PHF21A: variants seen among roughly 807,000 people sequenced by gnomAD.
The protein encoded by PHF21A is BHC80a.
In PHF21A, 11 loss-of-function variants were observed where a neutral mutation model predicts 82.5. That is an observed-to-expected ratio of 0.13 (90% confidence interval 0.08 to 0.22). The LOEUF (loss-of-function observed/expected upper bound fraction) is 0.22, where lower values mean the gene tolerates loss of function less well. Among genes scored for constraint, PHF21A ranks in the 10% least tolerant of loss-of-function variants. PHF21A has a pLI of 1.00. For missense variants in PHF21A, 579 were observed against 837.8 expected (o/e 0.69, Z 3.81); for synonymous variants, 297 against 302.8 (o/e 0.98, Z 0.20).
intron 1 of PHF21A, among the ~76,000 whole-genome samples, chr11:46,110,889 G>T (rs112575725): frequency 6.6e-6 from 1 of 151,164 alleles, no homozygotes; most frequent in East Asian, 2.0e-4. Context: ...GGGTTCAAGC[G>T]ATTCTCCTGC....
intron 6 of PHF21A, among the ~76,000 whole-genome samples, chr11:45,999,032 G>T (rs186610024): frequency 0.027 from 4,054 of 152,024 alleles, 79 homozygotes; most frequent in Non-Finnish European, 0.041. Flanking sequence ...TCACCATGTT[G>T]GCCAGGCTGG....
In PHF21A at chr11:45,935,743, A is replaced by T; in HGVS notation, c.1685-4T>A. 5 of 28,878 alleles carry T rather than the reference A, an allele frequency of 1.7e-4. No homozygotes were observed. Among genetic ancestry groups the T allele is most frequent in the Non-Finnish European group, 2.9e-4 (5 of 17,064 alleles). The allele number at this position is 28,878 out of a possible 1,614,324, so 1.8% of individuals were successfully genotyped here. The stretch of plus-strand genomic sequence containing the variant: ...TTCTGTTTCTCTTCTTCTTTTGCTA[A>T]AAAAAAAAAAAAAAAAAAAAAGGAA... On this transcript the variant is annotated splice_region_variant and splice_polypyrimidine_tract_variant and intron_variant, in intron 17 of 18. Transcript: ENST00000676320.
chr11:46,081,367 T>A (rs2096788923), intron 4 of PHF21A, among the ~76,000 whole-genome samples: 2 of 152,202 alleles, frequency 1.3e-5, no homozygotes, highest in South Asian at 2.1e-4. Flanking sequence ...ATTTTTACAT[T>A]AATGCTAGCC....
chr11:46,035,132 G>A (rs747338557), intron 6 of PHF21A, among the ~76,000 whole-genome samples: 5 of 151,974 alleles, frequency 3.3e-5, no homozygotes, highest in African/African-American at 9.7e-5. Context: ...CAATATGTCC[G>A]CTCTCTTTTT....
chr11:46,040,960 T>C (rs1592365863), intron 6 of PHF21A, among the ~76,000 whole-genome samples: 1 of 151,142 alleles, frequency 6.6e-6, no homozygotes, highest in African/African-American at 2.4e-5. Context: ...GTTCTTGATC[T>C]AGCCACAGTA....
chr11:46,067,084 T>C (rs1257554549), intron 6 of PHF21A, among the ~76,000 whole-genome samples: 1 of 152,220 alleles, frequency 6.6e-6, no homozygotes, highest in Non-Finnish European at 1.5e-5. Flanking sequence ...ATGCACCTTA[T>C]GTATTACTTA....
intron 1 of PHF21A, among the ~76,000 whole-genome samples, chr11:46,099,922 C>A (rs561059454): frequency 6.6e-6 from 1 of 152,262 alleles, no homozygotes; most frequent in East Asian, 1.9e-4. Context: ...TGGTTCCATA[C>A]AATTTACATT....
At position 46,034,221 on chromosome 11, in the gene PHF21A, AC is replaced by A. The variant is rs11463148; in HGVS notation, c.153+42532del. Among the ~76,000 whole-genome samples, 597 of 124,870 alleles carry A rather than the reference AC, an allele frequency of 4.8e-3. 6 individuals carry two copies. Among genetic ancestry groups the A allele is most frequent in the African/African-American group, 0.017 (547 of 32,804 alleles). The allele number at this position is 124,870 out of a possible 152,430, so 81.9% of individuals were successfully genotyped here. ...GAGTTGCCTTAATATTAGTGCCCCCACCCCCCCCTTGCATACTTTTCCCTTG... is the reference window on the plus strand; with the variant it reads ...GAGTTGCCTTAATATTAGTGCCCCCACCCCCCCTTGCATACTTTTCCCTTG... On this transcript the variant is annotated intron_variant, in intron 6 of 18. Coordinates refer to ENST00000676320, the MANE Select transcript of PHF21A (RefSeq NM_001352027.3).
intron 1 of PHF21A, among the ~76,000 whole-genome samples, chr11:46,115,582 C>T (rs1359783286): frequency 1.3e-5 from 2 of 151,952 alleles, no homozygotes; most frequent in East Asian, 1.9e-4. Flanking sequence ...GTGATCAAAA[C>T]GTTAAAGAAT....
At position 45,968,034 on chromosome 11, in the gene PHF21A, C is replaced by T. The variant is rs570373317; in HGVS notation, c.702+1781G>A. ...AAAACATGGACTAAACCTTAGATTC[C>T]TTACCCTAAAAAGAGTAATACCTAT... On this transcript the variant is annotated intron_variant, in intron 9 of 18. Transcript: ENST00000676320. 2.2e-4 allele frequency among the ~76,000 whole-genome samples: 33 copies of T among 152,294 alleles called. No individual in the cohort carries two copies. The South Asian group carries it at 3.1e-3, about 14-fold the overall frequency.
At chr11:45,944,236 C>T (rs1277557000) in intron 15 of PHF21A, among the ~76,000 whole-genome samples, 1 of 152,134 alleles carries the variant, frequency 6.6e-6, no homozygotes. Context: ...TATCTTTGCT[C>T]TTATGAGATA....
intron 1 of PHF21A, among the ~76,000 whole-genome samples, chr11:46,110,796 T>G (rs1465947854): frequency 6.6e-6 from 1 of 151,854 alleles, no homozygotes; most frequent in African/African-American, 2.4e-5. Context: ...CAATTTTTTT[T>G]TTTTTTTGAG....
At chr11:46,000,888 C>G (rs1327869147) in intron 6 of PHF21A, among the ~76,000 whole-genome samples, 2 of 151,796 alleles carry the variant, frequency 1.3e-5, no homozygotes, top group Non-Finnish European at 2.9e-5. Flanking sequence ...CCATTGCACT[C>G]CAGCCTGGGC....
At chr11:46,077,603 T>G (rs2096741766) in intron 5 of PHF21A, among the ~76,000 whole-genome samples, 1 of 152,220 alleles carries the variant, frequency 6.6e-6, no homozygotes, top group Non-Finnish European at 1.5e-5. Context: ...TGGTCTTCTG[T>G]CAGGGTTAGG....
At chr11:45,935,431 G>A (rs185746152) in intron 18 of PHF21A, 1 of 678,958 alleles carries the variant, frequency 1.5e-6, no homozygotes, top group Non-Finnish European at 2.5e-6. Flanking sequence ...TACAGAGCTT[G>A]GGTAAGGCAC....
intron 15 of PHF21A, 54 bp from the exon 16 acceptor site, chr11:45,938,366 T>C: frequency 6.9e-7 from 1 of 1,439,192 alleles, no homozygotes; most frequent in Non-Finnish European, 9.7e-7. Context: ...AAAATTTTAA[T>C]GTTAACATGC....
intron 4 of PHF21A, among the ~76,000 whole-genome samples, chr11:46,080,603 T>C (rs777490263): frequency 3.9e-5 from 6 of 152,232 alleles, no homozygotes; most frequent in Non-Finnish European, 8.8e-5. Context: ...AAATCCACAT[T>C]GTAGTTTTCC....
chr11:46,075,753 T>C (rs533817990), intron 6 of PHF21A, among the ~76,000 whole-genome samples: 1 of 152,356 alleles, frequency 6.6e-6, no homozygotes, highest in East Asian at 1.9e-4. Context: ...CTCTTCCACA[T>C]AATTCTCAAA....
In PHF21A at chr11:46,110,042, C is replaced by A. The variant is rs546044809; in HGVS notation, c.-237+10893G>T. ...AGGGTGGATCACTAATTTTTTGGTT[C>A]TAACTCATTATTTAAAATTGTATAA... is the stretch of plus-strand genomic sequence containing the variant. On this transcript the variant is annotated intron_variant, in intron 1 of 18. Coordinates refer to ENST00000676320, the MANE Select transcript of PHF21A (RefSeq NM_001352027.3). Among the ~76,000 whole-genome samples, 29 of 150,360 alleles carry A rather than the reference C, an allele frequency of 1.9e-4. No individual in the cohort carries two copies. In the South Asian group the frequency reaches 4.8e-3, roughly 25 times the overall value.
Sources: allele counts gnomAD v4.1 joint callset (sites outside exome capture counted in the v4.1 genomes callset), GRCh38; gene constraint gnomAD v4.1.1; transcripts MANE v1.5; gene names NCBI Gene and HGNC (gene_info 2026-07-23, HGNC 2026-07-21).